The following SDK1 variants were observed in gnomAD, a reference collection of about 807,000 sequenced individuals.
The protein encoded by SDK1 is sidekick cell adhesion molecule 1.
Under a neutral mutation model 245.5 loss-of-function variants are expected in SDK1, and 157 were observed. The observed-to-expected ratio is 0.64, with a 90% CI of 0.56 to 0.73. The LOEUF (loss-of-function observed/expected upper bound fraction) is 0.73. SDK1 is among the 30% of genes least tolerant of loss of function. The pLI, the probability that SDK1 is intolerant of heterozygous loss-of-function variation, is 0.00. For synonymous variants in SDK1, 1,647 were observed against 1,278.5 expected (o/e 1.29, Z -6.15); for missense variants, 3,583 against 3,002.3 (o/e 1.19, Z -4.52).
chr7:4,115,426 C>A (rs548711398), intron 25 of SDK1, among the ~76,000 whole-genome samples: 1 of 152,216 alleles, frequency 6.6e-6, no homozygotes, highest in African/African-American at 2.4e-5. Context: ...AAGACTCCCC[C>A]ACTCCTTCCC....
At chr7:3,786,036 A>G (rs1193406565) in intron 4 of SDK1, among the ~76,000 whole-genome samples, 2 of 152,126 alleles carry the variant, frequency 1.3e-5, no homozygotes, top group African/African-American at 4.8e-5. Context: ...AGGTAACACA[A>G]ATGTGGTCTC....
At chr7:4,017,678 A>G (rs926997715) in intron 17 of SDK1, among the ~76,000 whole-genome samples, 1 of 152,222 alleles carries the variant, frequency 6.6e-6, no homozygotes, top group Non-Finnish European at 1.5e-5. Context: ...TTTTCACAGG[A>G]AAGCTGGCTG....
At chr7:3,642,394 T>C (rs1201298804) in intron 4 of SDK1, among the ~76,000 whole-genome samples, 2 of 152,216 alleles carry the variant, frequency 1.3e-5, no homozygotes, top group Non-Finnish European at 2.9e-5. Flanking sequence ...CTGAGTGTAC[T>C]TTTTAAGATG....
At chr7:3,615,155 G>A (rs180851400) in intron 1 of SDK1, among the ~76,000 whole-genome samples, 5 of 151,504 alleles carry the variant, frequency 3.3e-5, no homozygotes, top group Admixed American at 6.6e-5. Flanking sequence ...TGACTCATTC[G>A]TGTAGGACAC....
At chr7:3,758,280 C>T (rs1191002263) in intron 4 of SDK1, among the ~76,000 whole-genome samples, 1 of 152,196 alleles carries the variant, frequency 6.6e-6, no homozygotes, top group Non-Finnish European at 1.5e-5. Context: ...GCATTTCTAT[C>T]GTAATGTTCT....
chr7:4,250,410 C>A (rs920747283), intron 44 of SDK1, among the ~76,000 whole-genome samples: 2 of 151,824 alleles, frequency 1.3e-5, no homozygotes, highest in Non-Finnish European at 2.9e-5. Context: ...GTGGCATGAT[C>A]TCAGCTCCCT....
At chr7:3,436,202 T>C (rs1156931646) in intron 1 of SDK1, among the ~76,000 whole-genome samples, 1 of 152,144 alleles carries the variant, frequency 6.6e-6, no homozygotes, top group Non-Finnish European at 1.5e-5. Flanking sequence ...TTTGATGGAC[T>C]TAGTGGAAGT....
chr7:3,611,782 C>T lies in SDK1; in HGVS notation c.299-7298C>T, dbSNP rs182895034. On this transcript the variant is annotated intron_variant, in intron 1 of 44. Transcript: ENST00000404826. ...AAATCGAAACCACAATGCTATGCCT[C>T]CTTACTCCGGCAAAAATGGCCATAA... 2.8e-3 allele frequency among the ~76,000 whole-genome samples: 424 copies of T among 152,086 alleles called. 1 individual carries two copies. Among genetic ancestry groups the T allele is most frequent in the Admixed American group, 5.0e-3 (77 of 15,292 alleles).
intron 4 of SDK1, among the ~76,000 whole-genome samples, chr7:3,794,011 G>T (rs1425017541): frequency 2.0e-5 from 3 of 152,164 alleles, no homozygotes; most frequent in Non-Finnish European, 4.4e-5. Context: ...GTAGTCGGCT[G>T]CCCTCAGACT....
At chr7:4,016,840 A>T (rs1418339848) in intron 16 of SDK1, among the ~76,000 whole-genome samples, 1 of 152,186 alleles carries the variant, frequency 6.6e-6, no homozygotes, top group Non-Finnish European at 1.5e-5. Context: ...GATTTACAGC[A>T]ACTCCCCGAT....
chr7:3,349,120 T>C (rs1049614854), intron 1 of SDK1, among the ~76,000 whole-genome samples: 3 of 151,992 alleles, frequency 2.0e-5, no homozygotes, highest in African/African-American at 7.3e-5. Flanking sequence ...GGATTCTTGC[T>C]CCTCTCCTAC....
chr7:4,093,202 C>A (rs375710288), intron 22 of SDK1, among the ~76,000 whole-genome samples: 2 of 152,038 alleles, frequency 1.3e-5, no homozygotes, highest in South Asian at 4.2e-4. Context: ...GTGAGCAAAA[C>A]ATCTCTTTGA....
chr7:4,031,778 G>A (rs1436247713), intron 17 of SDK1, among the ~76,000 whole-genome samples: 1 of 151,968 alleles, frequency 6.6e-6, no homozygotes, highest in Non-Finnish European at 1.5e-5. Context: ...CATTTCCCCA[G>A]CACTTTGGGA....
intron 5 of SDK1, among the ~76,000 whole-genome samples, chr7:3,858,002 G>C (rs532935220): frequency 1.3e-5 from 2 of 152,258 alleles, no homozygotes; most frequent in Admixed American, 6.5e-5. Flanking sequence ...ATGTAAAGTT[G>C]TCACCTCTCC....
At chr7:3,529,579 G>A (rs1483217359) in intron 1 of SDK1, among the ~76,000 whole-genome samples, 4 of 152,016 alleles carry the variant, frequency 2.6e-5, no homozygotes, top group Non-Finnish European at 4.4e-5. Flanking sequence ...GTTGTTTACG[G>A]TAGAATGGCT....
intron 1 of SDK1, among the ~76,000 whole-genome samples, chr7:3,579,949 G>C (rs1780428391): frequency 6.6e-6 from 1 of 152,150 alleles, no homozygotes. Flanking sequence ...CAAAGTTTCA[G>C]GATACAAAAT....
rs114740313 is a variant in SDK1, at chr7:3,466,492, G to T, written c.299-152588G>T. On this transcript the variant is annotated intron_variant, in intron 1 of 44. Transcript: ENST00000404826. Reference sequence around the variant, plus strand: ...CTAATCTCAAGGATCCAGCTAAGTTGTGTGTTGTCAGTTGGAGACATTAGC... The same window carrying T: ...CTAATCTCAAGGATCCAGCTAAGTTTTGTGTTGTCAGTTGGAGACATTAGC... Among the ~76,000 whole-genome samples, 550 of 148,264 alleles carry T rather than the reference G, an allele frequency of 3.7e-3. 4 individuals are homozygous for T. The highest frequency in any genetic ancestry group is 0.013 in the African/African-American group (523 of 39,968).
At position 3,629,796 on chromosome 7, in the gene SDK1, C is replaced by A. The variant is rs151152603; in HGVS notation, c.459-9208C>A. On this transcript the variant is annotated intron_variant, in intron 2 of 44. Transcript: ENST00000404826. ...CTAATCAAAGATCATCAAGCATATG[C>A]AGATGCAGGAAAGCATGACCCATAA... Among the ~76,000 whole-genome samples, 524 of 152,254 alleles carry A rather than the reference C, an allele frequency of 3.4e-3. 5 individuals carry two copies. Among genetic ancestry groups the A allele is most frequent in the African/African-American group, 0.011 (476 of 41,528 alleles).
At chr7:3,409,482 G>C (rs367853134) in intron 1 of SDK1, among the ~76,000 whole-genome samples, 1 of 152,018 alleles carries the variant, frequency 6.6e-6, no homozygotes, top group African/African-American at 2.4e-5. Context: ...AAGTGTTACT[G>C]CTTCTATTTT....
Sources: gnomAD v4.1 joint callset for allele counts (sites outside exome capture counted in the v4.1 genomes callset) on GRCh38, gnomAD v4.1.1 for gene constraint, MANE v1.5 for transcripts, NCBI Gene and HGNC (gene_info 2026-07-23, HGNC 2026-07-21) for gene names.